CSMD3: variants seen among roughly 807,000 people sequenced by gnomAD.
CSMD3 encodes CUB and Sushi multiple domains 3.
CSMD3 carries 177 observed loss-of-function variants against 435.2 expected under a neutral mutation model. The ratio of observed to expected loss-of-function variants is 0.41; its 90% confidence interval spans 0.36 to 0.46. CSMD3 has a LOEUF of 0.46. CSMD3 is among the 20% of genes least tolerant of loss of function. The pLI is 0.34. For missense variants in CSMD3, 4,265 were observed against 4,504.6 expected (o/e 0.95, Z 1.52); for synonymous variants, 1,656 against 1,520.5 (o/e 1.09, Z -2.07).
intron 3 of CSMD3, among the ~76,000 whole-genome samples, chr8:113,244,717 T>C (rs866551539): frequency 2.0e-5 from 3 of 152,286 alleles, no homozygotes; most frequent in Middle Eastern, 6.8e-3. Flanking sequence ...TTTTTCTTCA[T>C]TGAGTTGTTT....
chr8:112,297,577 C>T (rs1363191480), intron 53 of CSMD3, among the ~76,000 whole-genome samples: 2 of 152,034 alleles, frequency 1.3e-5, no homozygotes, highest in African/African-American at 4.8e-5. Flanking sequence ...GGAACATTCT[C>T]AACCCAACAA....
chr8:112,577,768 T>A (rs963240443), intron 23 of CSMD3, among the ~76,000 whole-genome samples: 25 of 152,176 alleles, frequency 1.6e-4, no homozygotes, highest in Admixed American at 8.5e-4. Flanking sequence ...CTGAATCCAG[T>A]AGGTTGAACC....
intron 3 of CSMD3, among the ~76,000 whole-genome samples, chr8:113,275,749 C>T (rs2093564532): frequency 6.6e-6 from 1 of 151,864 alleles, no homozygotes; most frequent in Non-Finnish European, 1.5e-5. Flanking sequence ...CTTGTAATCC[C>T]AGTGCTTTGA....
intron 1 of CSMD3, among the ~76,000 whole-genome samples, chr8:113,380,630 C>T (rs1278634306): frequency 6.6e-6 from 1 of 152,066 alleles, no homozygotes; most frequent in African/African-American, 2.4e-5. Flanking sequence ...AACTCAAAAC[C>T]AAACTGCTTG....
intron 67 of CSMD3, 81 bp from the exon 68 acceptor site, chr8:112,234,558 A>T: frequency 1.2e-6 from 1 of 807,504 alleles, no homozygotes; most frequent in Non-Finnish European, 2.2e-6. Context: ...TTCCTTAAAT[A>T]GATTATGTAA....
intron 22 of CSMD3, among the ~76,000 whole-genome samples, chr8:112,592,532 C>T (rs1275070917): frequency 1.3e-5 from 2 of 151,884 alleles, no homozygotes; most frequent in African/African-American, 2.4e-5. Flanking sequence ...TTTCTATAAT[C>T]ATTTTTTACC....
In CSMD3 at chr8:112,806,178, G is replaced by A. The variant is rs373500667; in HGVS notation, c.1860-5904C>T. 7.4e-4 allele frequency among the ~76,000 whole-genome samples: 112 copies of A among 152,140 alleles called. No homozygotes were observed. The South Asian group carries it at 0.014, about 19-fold the overall frequency. ...TGAAATAACTGTGTAATAATTCCTC[G>A]GATCCTTTTATTTGGTCAGTAGAAT... On this transcript the variant is annotated intron_variant, in intron 12 of 70. Coordinates refer to ENST00000297405, the MANE Select transcript of CSMD3 (RefSeq NM_198123.2).
In CSMD3 at chr8:112,306,069, G is replaced by A. The variant is rs143979095; in HGVS notation, c.8009C>T (p.Thr2670Ile). ...DGYRLSSKELTTAVCQSDGTW... is the reference protein window; with the variant it reads ...DGYRLSSKELITAVCQSDGTW... ...TCCATCTGATTGGCATACAGCTGTA[G>A]TGAGTTCTTTGGATGACAATCGATA... Residue 2670 changes from threonine to isoleucine, a missense_variant, in exon 51 of 71, where the codon ACT becomes ATT. Around this residue, in one of 3 missense-constraint regions of CSMD3, gnomAD observed 3,255 missense variants for 3,380.2 expected, o/e 0.96. Transcript: ENST00000297405. 5.6e-6 allele frequency: 9 copies of A among 1,613,626 alleles called. No homozygotes were observed. In the African/African-American group the frequency reaches 1.1e-4, roughly 19 times the overall value.
intron 68 of CSMD3, 48 bp from the exon 69 acceptor site, chr8:112,231,680 A>G: frequency 9.5e-7 from 1 of 1,047,874 alleles, no homozygotes; most frequent in East Asian, 2.4e-5. Flanking sequence ...GGCCATAGCT[A>G]TATTTTCCCA....
chr8:113,278,451 A>G (rs2093588406), intron 3 of CSMD3, 141 bp downstream of exon 3: 1 of 654,270 alleles, frequency 1.5e-6, no homozygotes, highest in Non-Finnish European at 2.8e-6. Context: ...CTATACATTA[A>G]TGATTAATAA....
intron 11 of CSMD3, among the ~76,000 whole-genome samples, chr8:112,831,910 C>T (rs1257163707): frequency 6.6e-6 from 1 of 152,098 alleles, no homozygotes; most frequent in East Asian, 1.9e-4. Context: ...TCATAGTACA[C>T]CACTGGATCT....
intron 2 of CSMD3, among the ~76,000 whole-genome samples, chr8:113,293,482 A>G (rs2093699714): frequency 6.6e-6 from 1 of 151,956 alleles, no homozygotes; most frequent in Non-Finnish European, 1.5e-5. Context: ...TGACCATATG[A>G]TTCCCCATCT....
chr8:112,431,443 T>TGAGAAAAC (rs1813697359), intron 32 of CSMD3, among the ~76,000 whole-genome samples: 3 of 152,144 alleles, frequency 2.0e-5, no homozygotes, highest in Non-Finnish European at 2.9e-5. Context: ...ACTGTATATG[T>TGAGAAAAC]ATTTTATACA....
At chr8:112,246,879 A>C in intron 64 of CSMD3, 141 bp downstream of exon 64, 1 of 696,008 alleles carries the variant, frequency 1.4e-6, no homozygotes. Context: ...ACAGTAATAA[A>C]ATTATATGCA....
chr8:113,289,407 T>A (rs1384055551), intron 2 of CSMD3, among the ~76,000 whole-genome samples: 1 of 149,228 alleles, frequency 6.7e-6, no homozygotes, highest in Non-Finnish European at 1.5e-5. Flanking sequence ...AAGTTTATCA[T>A]TGCTATGACT....
At chr8:112,358,543 T>C (rs532138808) in intron 38 of CSMD3, among the ~76,000 whole-genome samples, 37 of 152,110 alleles carry the variant, frequency 2.4e-4, no homozygotes, top group Non-Finnish European at 4.6e-4. Flanking sequence ...ATGGAGCAAG[T>C]CTTTCCCATG....
chr8:112,337,641 A>T lies in CSMD3; in HGVS notation c.6743T>A (p.Phe2248Tyr), dbSNP rs1370591997. Residue 2248 changes from phenylalanine (F) to tyrosine (Y), a missense_variant, in exon 43 of 71, where the codon TTT becomes TAT. By Grantham distance (22) the Phe-to-Tyr change is conservative. Transcript: ENST00000297405. ...TAATGTGTATCCTGGGAAACATTCA[A>T]ATGAAATGGTTTGACCCACAGTAAA... ...NDFTVGQTIS[F>Y]ECFPGYTLIG... is the part of the protein sequence containing the mutation. 2.5e-6 allele frequency: 4 copies of T among 1,613,484 alleles called. No homozygotes were observed. In the South Asian group the frequency reaches 4.4e-5, roughly 18 times the overall value.
At chr8:113,032,467 T>C (rs2087155413) in intron 5 of CSMD3, among the ~76,000 whole-genome samples, 1 of 151,624 alleles carries the variant, frequency 6.6e-6, no homozygotes, top group Non-Finnish European at 1.5e-5. Context: ...TTTATGGAAC[T>C]TTGAGCTTGA....
chr8:112,918,364 A>T (rs2130598978), intron 10 of CSMD3, among the ~76,000 whole-genome samples: 1 of 151,854 alleles, frequency 6.6e-6, no homozygotes, highest in Non-Finnish European at 1.5e-5. Flanking sequence ...CATTAATCCC[A>T]TGAGTGGTTT....
Sources: allele counts gnomAD v4.1 joint callset (sites outside exome capture counted in the v4.1 genomes callset), GRCh38; gene constraint gnomAD v4.1.1; regional missense constraint gnomAD v4.1.1; transcripts MANE v1.5; gene names NCBI Gene and HGNC (gene_info 2026-07-23, HGNC 2026-07-21).